RANBP2: variants seen among roughly 807,000 people sequenced by gnomAD.
RANBP2 encodes RAN binding protein 2.
RANBP2 carries 57 observed loss-of-function variants against 303.6 expected under a neutral mutation model. The observed-to-expected ratio is 0.19, with a 90% CI of 0.15 to 0.23. The LOEUF is 0.23. RANBP2 is among the 10% of genes least tolerant of loss of function. RANBP2 has a pLI of 1.00. For synonymous variants in RANBP2, 1,167 were observed against 1,301.5 expected, an observed-to-expected ratio of 0.90 and a Z score of 2.23; for missense variants, 3,138 against 3,780.8, an observed-to-expected ratio of 0.83 and a Z score of 4.46.
chr2:109,060,695 G>A, the RANBP2 span, among the ~76,000 whole-genome samples: 1 of 152,184 alleles, frequency 6.6e-6, no homozygotes, highest in East Asian at 1.9e-4. Flanking sequence ...GAGGCCAAGG[G>A]CCGGACACCA....
At chr2:109,323,213 G>A in the RANBP2 span, among the ~76,000 whole-genome samples, 2 of 152,174 alleles carry the variant, frequency 1.3e-5, no homozygotes, top group Non-Finnish European at 2.9e-5. Context: ...GAGGGCCGGG[G>A]GCCATCAGGA....
At chr2:109,641,742 C>T in the RANBP2 span, among the ~76,000 whole-genome samples, 62,752 of 136,056 alleles carry the variant, frequency 0.46, 14,008 homozygotes, top group Middle Eastern at 0.6. Context: ...GTTCTTGCTC[C>T]ACCCCATCAC....
the RANBP2 span, among the ~76,000 whole-genome samples, chr2:109,527,380 G>A: frequency 1.3e-5 from 2 of 152,260 alleles, no homozygotes; most frequent in African/African-American, 2.4e-5. Flanking sequence ...CCCCTGCAGC[G>A]GGAAAGGAGT....
At chr2:108,908,181 G>A in the RANBP2 span, among the ~76,000 whole-genome samples, 2 of 152,094 alleles carry the variant, frequency 1.3e-5, no homozygotes, top group African/African-American at 4.8e-5. Context: ...GGGACCAGGG[G>A]ACATGAGACG....
At chr2:109,384,618 C>G in the RANBP2 span, among the ~76,000 whole-genome samples, 3 of 152,198 alleles carry the variant, frequency 2.0e-5, no homozygotes, top group East Asian at 1.9e-4. Context: ...GGCCCCTTCT[C>G]TGCCGAGTGC....
At chr2:109,675,636 C>T in the RANBP2 span, among the ~76,000 whole-genome samples, 1 of 152,122 alleles carries the variant, frequency 6.6e-6, no homozygotes, top group Non-Finnish European at 1.5e-5. Context: ...GAGCTGAGAT[C>T]CCACCATTGC....
chr2:109,386,879 A>G, the RANBP2 span, among the ~76,000 whole-genome samples: 1 of 152,080 alleles, frequency 6.6e-6, no homozygotes, highest in Admixed American at 6.5e-5. Context: ...GTACAAAATC[A>G]AAAAAAATCT....
chr2:108,782,952 C>G, intron 28 of RANBP2, 90 bp downstream of exon 28: 1 of 1,189,324 alleles, frequency 8.4e-7, no homozygotes, highest in Non-Finnish European at 1.2e-6. Context: ...TGACCTCATC[C>G]TGTAGTTTTG....
the RANBP2 span, among the ~76,000 whole-genome samples, chr2:109,645,051 C>G: frequency 6.6e-6 from 1 of 152,202 alleles, no homozygotes; most frequent in South Asian, 2.1e-4. Context: ...GCAACTATGC[C>G]AGGATTCACA....
At chr2:109,660,305 G>A in the RANBP2 span, among the ~76,000 whole-genome samples, 1 of 152,196 alleles carries the variant, frequency 6.6e-6, no homozygotes, top group African/African-American at 2.4e-5. Context: ...ATTTACATAG[G>A]GTGTAACCAA....
At chr2:109,596,124 T>C in the RANBP2 span, among the ~76,000 whole-genome samples, 8 of 152,280 alleles carry the variant, frequency 5.3e-5, no homozygotes, top group South Asian at 2.1e-4. Flanking sequence ...CTCAACCTCC[T>C]GGGCTCAGGC....
the RANBP2 span, among the ~76,000 whole-genome samples, chr2:109,691,095 T>C: frequency 6.6e-6 from 1 of 152,212 alleles, no homozygotes; most frequent in African/African-American, 2.4e-5. Flanking sequence ...GGATCTCTCC[T>C]GGCACTGCAG....
chr2:109,638,314 G>A, the RANBP2 span, among the ~76,000 whole-genome samples: 1 of 152,184 alleles, frequency 6.6e-6, no homozygotes, highest in Non-Finnish European at 1.5e-5. Flanking sequence ...TTTAAAGAAA[G>A]GGGTAAACAC....
the RANBP2 span, chr2:108,791,905 T>C: frequency 8.4e-7 from 1 of 1,187,006 alleles, no homozygotes; most frequent in Non-Finnish European, 1.1e-6. Context: ...AGAGTTTGCA[T>C]ATTTCTGTGT....
At chr2:108,946,206 G>T in the RANBP2 span, among the ~76,000 whole-genome samples, 3 of 152,162 alleles carry the variant, frequency 2.0e-5, no homozygotes, top group African/African-American at 7.2e-5. Context: ...ATGCACCAGG[G>T]CATGACTGGG....
downstream of RANBP2, chr2:108,786,853 C>T: frequency 6.3e-7 from 1 of 1,593,770 alleles, no homozygotes; most frequent in South Asian, 1.1e-5. Flanking sequence ...GCCACCGGGG[C>T]AGGATTTAGT....
At chr2:109,293,490 C>T in the RANBP2 span, among the ~76,000 whole-genome samples, 1 of 152,236 alleles carries the variant, frequency 6.6e-6, no homozygotes. Flanking sequence ...TCTCTCTCCA[C>T]TGCCAGTGGT....
the RANBP2 span, among the ~76,000 whole-genome samples, chr2:109,478,492 A>G: frequency 6.6e-6 from 1 of 152,236 alleles, no homozygotes; most frequent in Non-Finnish European, 1.5e-5. Context: ...AGATGTCTTC[A>G]TGCTTTCCAT....
chr2:109,560,555 A>G, the RANBP2 span, among the ~76,000 whole-genome samples: 4 of 152,150 alleles, frequency 2.6e-5, 1 homozygote, highest in Middle Eastern at 6.3e-3. Flanking sequence ...TTAAATACCC[A>G]TGACTCTTAA....
Sources: allele counts gnomAD v4.1 joint callset (sites outside exome capture counted in the v4.1 genomes callset), GRCh38; gene constraint gnomAD v4.1.1; transcripts MANE v1.5; gene names NCBI Gene and HGNC (gene_info 2026-07-23, HGNC 2026-07-21).